The following HMGCLL1 variants were observed in gnomAD, a reference collection of about 807,000 sequenced individuals.
HMGCLL1 encodes 3-hydroxymethyl-3-methylglutaryl-CoA lyase, cytoplasmic.
In HMGCLL1, 36 loss-of-function variants were observed where a neutral mutation model predicts 39.1. The observed-to-expected ratio is 0.92, with a 90% CI of 0.71 to 1.22. The LOEUF (loss-of-function observed/expected upper bound fraction) is 1.22. Ranked by LOEUF, HMGCLL1 falls within the 50% of genes most tolerant of loss-of-function variation. The pLI is 0.00. For synonymous variants in HMGCLL1, 149 were observed against 144.0 expected, an observed-to-expected ratio of 1.03 and a Z score of -0.25; for missense variants, 451 against 416.5, an observed-to-expected ratio of 1.08 and a Z score of -0.72.
the HMGCLL1 span, among the ~76,000 whole-genome samples, chr6:55,654,389 A>C: frequency 6.6e-6 from 1 of 151,536 alleles, no homozygotes; most frequent in African/African-American, 2.4e-5. Flanking sequence ...CTCAATAAGG[A>C]CTTGAAGTCA....
At chr6:55,504,791 G>A (rs554050205) in intron 5 of HMGCLL1, among the ~76,000 whole-genome samples, 9 of 151,638 alleles carry the variant, frequency 5.9e-5, no homozygotes, top group African/African-American at 1.4e-4. Flanking sequence ...ACACAAATAC[G>A]TTAGTTAAAA....
chr6:55,629,398 T>A, the HMGCLL1 span, among the ~76,000 whole-genome samples: 1 of 152,152 alleles, frequency 6.6e-6, no homozygotes, highest in African/African-American at 2.4e-5. Context: ...AGAGATGACC[T>A]GGGTGCTGTT....
chr6:55,570,169 C>G (rs941840416), intron 1 of HMGCLL1, among the ~76,000 whole-genome samples: 1 of 152,196 alleles, frequency 6.6e-6, no homozygotes, highest in Non-Finnish European at 1.5e-5. Context: ...TCATCTACTC[C>G]TTCTGTAGAA....
At chr6:55,655,420 T>G in the HMGCLL1 span, among the ~76,000 whole-genome samples, 7 of 151,838 alleles carry the variant, frequency 4.6e-5, no homozygotes, top group African/African-American at 1.5e-4. Context: ...TGTCCTCTCT[T>G]TTTAATTTAT....
chr6:55,542,884 T>C (rs1157284998), intron 1 of HMGCLL1, among the ~76,000 whole-genome samples: 3 of 135,042 alleles, frequency 2.2e-5, no homozygotes, highest in Non-Finnish European at 4.6e-5. Context: ...TATTTTTATA[T>C]ATTTATATAT....
chr6:55,650,615 C>T, the HMGCLL1 span, among the ~76,000 whole-genome samples: 1 of 152,136 alleles, frequency 6.6e-6, no homozygotes, highest in Non-Finnish European at 1.5e-5. Flanking sequence ...CAAGGTCTTT[C>T]CCTTCAGCAT....
the HMGCLL1 span, among the ~76,000 whole-genome samples, chr6:55,648,929 A>G: frequency 6.7e-6 from 1 of 149,520 alleles, no homozygotes; most frequent in South Asian, 2.2e-4. Flanking sequence ...AGAATTTTAG[A>G]CCAATATCCT....
the HMGCLL1 span, among the ~76,000 whole-genome samples, chr6:55,641,935 T>A: frequency 6.9e-6 from 1 of 145,676 alleles, no homozygotes; most frequent in African/African-American, 2.5e-5. Context: ...TACTTTAAGT[T>A]TTAGGGTACA....
intron 1 of HMGCLL1, among the ~76,000 whole-genome samples, chr6:55,574,546 A>T (rs1771672495): frequency 6.6e-6 from 1 of 151,954 alleles, no homozygotes; most frequent in South Asian, 2.1e-4. Context: ...TAACATGTCA[A>T]TTCAGGGGGA....
At chr6:55,465,060 T>A (rs1764739769) in intron 7 of HMGCLL1, among the ~76,000 whole-genome samples, 1 of 152,220 alleles carries the variant, frequency 6.6e-6, no homozygotes, top group Non-Finnish European at 1.5e-5. Flanking sequence ...AGTCATTTAT[T>A]CTGATTTATT....
chr6:55,564,045 C>T (rs889992119), intron 1 of HMGCLL1: 15 of 431,670 alleles, frequency 3.5e-5, no homozygotes, highest in African/African-American at 6.1e-5. Context: ...CATGAAAGTG[C>T]ATTCAGTGAT....
chr6:55,619,978 A>C, the HMGCLL1 span, among the ~76,000 whole-genome samples: 1 of 152,232 alleles, frequency 6.6e-6, no homozygotes, highest in East Asian at 1.9e-4. Flanking sequence ...GCTTAACATA[A>C]TGACTTCCAT....
chr6:55,650,829 T>TC, the HMGCLL1 span, among the ~76,000 whole-genome samples: 15 of 152,040 alleles, frequency 9.9e-5, no homozygotes, highest in Non-Finnish European at 1.8e-4. Flanking sequence ...CCACAATCTG[T>TC]CCACAGGGTG....
chr6:55,547,364 G>A (rs954715975), intron 1 of HMGCLL1, among the ~76,000 whole-genome samples: 1 of 151,926 alleles, frequency 6.6e-6, no homozygotes, highest in African/African-American at 2.4e-5. Flanking sequence ...TTTCTCAGCA[G>A]TAATAATGGA....
At chr6:55,440,102 ACTC>A (rs149461914) in intron 7 of HMGCLL1, among the ~76,000 whole-genome samples, 66 of 152,082 alleles carry the variant, frequency 4.3e-4, no homozygotes, top group African/African-American at 1.5e-3. Flanking sequence ...TGCACACAAA[ACTC>A]CACTACTTTG....
chr6:55,555,137 T>C (rs1770581943), intron 1 of HMGCLL1, among the ~76,000 whole-genome samples: 1 of 152,268 alleles, frequency 6.6e-6, no homozygotes, highest in African/African-American at 2.4e-5. Context: ...TGAACTTACA[T>C]CTTACCACCT....
intron 7 of HMGCLL1, among the ~76,000 whole-genome samples, chr6:55,454,461 G>A (rs1764238533): frequency 6.6e-6 from 1 of 152,160 alleles, no homozygotes; most frequent in African/African-American, 2.4e-5. Context: ...TAACTTCAAA[G>A]AATACAGAAC....
chr6:55,477,889 TATG>T (rs1334270377), intron 7 of HMGCLL1, among the ~76,000 whole-genome samples: 3 of 151,084 alleles, frequency 2.0e-5, no homozygotes, highest in Non-Finnish European at 4.4e-5. Context: ...ACTGTTCTTA[TATG>T]ATTTTGGAAC....
chr6:55,535,380 A>G (rs1277353366), intron 3 of HMGCLL1, among the ~76,000 whole-genome samples: 1 of 152,198 alleles, frequency 6.6e-6, no homozygotes, highest in Non-Finnish European at 1.5e-5. Flanking sequence ...CAGTGATTTT[A>G]ATCAGCTGAT....
Sources: allele counts gnomAD v4.1 joint callset (sites outside exome capture counted in the v4.1 genomes callset), GRCh38; gene constraint gnomAD v4.1.1; transcripts MANE v1.5; gene names NCBI Gene and HGNC (gene_info 2026-07-23, HGNC 2026-07-21).